Variants in FAM124B observed in about 807,000 individuals in gnomAD.
FAM124B encodes protein FAM124B.
Under a neutral mutation model 19.7 loss-of-function variants are expected in FAM124B, and 18 were observed. The observed-to-expected ratio is 0.92, with a 90% confidence interval of 0.63 to 1.36. FAM124B has a LOEUF of 1.36. Among genes scored for constraint, FAM124B ranks in the 40% most tolerant of loss-of-function variants. FAM124B has a pLI of 0.00. For missense variants in FAM124B, 540 were observed against 553.3 expected, an observed-to-expected ratio of 0.98 and a Z score of 0.24; for synonymous variants, 223 against 225.2, an observed-to-expected ratio of 0.99 and a Z score of 0.09.
chr2:224,398,719 A>G (rs1690015097), intron 1 of FAM124B, among the ~76,000 whole-genome samples: 1 of 152,116 alleles, frequency 6.6e-6, no homozygotes, highest in African/African-American at 2.4e-5. Flanking sequence ...GCTCATGCCT[A>G]TAATCCCAGC....
intron 1 of FAM124B, among the ~76,000 whole-genome samples, chr2:224,382,633 TC>T (rs890767078): frequency 1.9e-4 from 29 of 152,228 alleles, no homozygotes; most frequent in Admixed American, 1.4e-3. Context: ...GGTCTCAAAC[TC>T]CCAACCTAAG....
At position 224,379,298 on chromosome 2, in the gene FAM124B, A is replaced by C. The variant is rs898869996; in HGVS notation, c.*275T>G. On this transcript the variant is annotated 3_prime_UTR_variant, in exon 2 of 2. Coordinates refer to ENST00000409685, the MANE Select transcript of FAM124B (RefSeq NM_001122779.2). ...TATCCTGATAGGTGCTGGATTCAACACATCCAGCTGGGTTAGTGCATCTCC... is the reference window on the plus strand; with the variant it reads ...TATCCTGATAGGTGCTGGATTCAACCCATCCAGCTGGGTTAGTGCATCTCC... 1.0e-5 allele frequency: 4 copies of C among 384,634 alleles called. No homozygotes were observed. The highest frequency in any genetic ancestry group is 8.7e-5 in the Admixed American group (2 of 22,940). 23.8% of individuals were successfully genotyped at this position (384,634 alleles called of 1,614,324 possible).
At chr2:224,384,732 A>C (rs377609784) in intron 1 of FAM124B, among the ~76,000 whole-genome samples, 60 of 152,294 alleles carry the variant, frequency 3.9e-4, no homozygotes, top group African/African-American at 1.4e-3. Flanking sequence ...TGCTGTCACC[A>C]GTTAGCAACA....
At chr2:224,384,546 G>A (rs974885173) in intron 1 of FAM124B, among the ~76,000 whole-genome samples, 7 of 152,172 alleles carry the variant, frequency 4.6e-5, no homozygotes, top group African/African-American at 1.4e-4. Flanking sequence ...CCATGATGGC[G>A]TGGTTTCCGG....
rs1491044460 is a variant in FAM124B at position 224,390,702 on chromosome 2, TTG to T, written c.732+10333_732+10334del. Among the ~76,000 whole-genome samples the T allele has an allele frequency of 2.9e-3, 252 of 88,214 alleles. 2 individuals carry two copies. In the Middle Eastern group the frequency reaches 0.036, roughly 13 times the overall value. The allele number at this position is 88,214 out of a possible 152,430, so 57.9% of individuals were successfully genotyped here. ...AATACTTGTCAACAAACTTTTTTTT[TTG>T]TTTGTTTGTTTTTTAAGACAGAGTC... On this transcript the variant is annotated intron_variant, in intron 1 of 1. Coordinates refer to ENST00000409685, the MANE Select transcript of FAM124B (RefSeq NM_001122779.2).
intron 1 of FAM124B, among the ~76,000 whole-genome samples, chr2:224,389,865 T>C (rs1689852346): frequency 6.6e-6 from 1 of 152,022 alleles, no homozygotes; most frequent in Non-Finnish European, 1.5e-5. Context: ...TGGTCCTCAT[T>C]TGGGGTGATT....
intron 1 of FAM124B, among the ~76,000 whole-genome samples, chr2:224,392,413 C>A (rs1689902492): frequency 6.6e-6 from 1 of 152,054 alleles, no homozygotes; most frequent in African/African-American, 2.4e-5. Context: ...CACTAATGCT[C>A]CAACCTGGGT....
chr2:224,380,001 AC>A lies in FAM124B; in HGVS notation c.939del (p.Trp314GlyfsTer32). Reference sequence around the variant, plus strand: ...TGGAATGACCGGCCAGGGCTTTTCCACGAAGTGCCAGCACACCTGTCTGATG... The same window carrying A: ...TGGAATGACCGGCCAGGGCTTTTCCAGAAGTGCCAGCACACCTGTCTGATG... ...SPTSDRCAGT[S>X]WKSPGRSFQV... On this transcript the variant is annotated frameshift_variant, in exon 2 of 2. Transcript: ENST00000409685. LOFTEE classifies it low-confidence loss of function (END_TRUNC). 6.4e-7 allele frequency: 1 copy of A among 1,551,702 alleles called. No homozygotes were observed. The highest frequency in any genetic ancestry group is 8.7e-7 in the Non-Finnish European group (1 of 1,147,000).
chr2:224,379,669 C>G lies in FAM124B; in HGVS notation c.1272G>C (p.Arg424Ser), dbSNP rs1353509420. ...RVSPLPLAGQ[R>S]DLGTRKTISE... ...AAATTGTCTTCCTGGTACCAAGGTC[C>G]CTTTGGCCAGCAAGTGGCAAAGGAG... The change falls in exon 2 of 2, where the codon AGG (arginine) becomes AGC (serine). Residue 424 changes from arginine (R) to serine (S), a missense_variant. Arg to Ser is a moderately radical substitution (Grantham distance 110, BLOSUM62 -1). Transcript: ENST00000409685. The G allele has an allele frequency of 3.0e-5, 46 of 1,551,580 alleles. No individual in the cohort carries two copies. The highest frequency in any genetic ancestry group is 3.9e-5 in the Non-Finnish European group (45 of 1,146,988).
At position 224,401,264 on chromosome 2, in the gene FAM124B, T is replaced by A; in HGVS notation, c.505A>T (p.Ser169Cys). ...TAGAGCACGAAGAAACAAAAATTGCTCTTTTGCAAGGTCGCTTCTCTCTGC... is the reference window on the plus strand; with the variant it reads ...TAGAGCACGAAGAAACAAAAATTGCACTTTTGCAAGGTCGCTTCTCTCTGC... Reference protein sequence around the residue: ...ILQREATLQKSNFCFFVLYAS... With the variant: ...ILQREATLQKCNFCFFVLYAS... Residue 169 changes from serine to cysteine, a missense_variant, in exon 1 of 2, where the codon AGC becomes TGC. Physicochemically the swap from Ser to Cys is moderately radical, Grantham distance 112 (BLOSUM62 -1). Transcript: ENST00000409685. 6.2e-7 allele frequency: 1 copy of A among 1,613,864 alleles called. No individual in the cohort carries two copies. Among genetic ancestry groups the A allele is most frequent in the Non-Finnish European group, 8.5e-7 (1 of 1,180,002 alleles).
chr2:224,393,054 C>A (rs147261046), intron 1 of FAM124B, among the ~76,000 whole-genome samples: 7 of 152,302 alleles, frequency 4.6e-5, no homozygotes, highest in Non-Finnish European at 8.8e-5. Flanking sequence ...ACAGAAAGTC[C>A]TAGAGGACAG....
At position 224,402,103 on chromosome 2, in the gene FAM124B, A is replaced by C; in HGVS notation, c.-335T>G. 4 of 248,812 alleles carry C rather than the reference A, an allele frequency of 1.6e-5. No homozygotes were observed. Among genetic ancestry groups the C allele is most frequent in the East Asian group, 7.8e-5 (1 of 12,816 alleles). The allele number at this position is 248,812 out of a possible 1,614,324, so 15.4% of individuals were successfully genotyped here. A position where few individuals can be genotyped will look rare whatever the true frequency, so the allele number is the denominator to read the frequency against. On this transcript the variant is annotated 5_prime_UTR_variant, in exon 1 of 2. Transcript: ENST00000409685. ...TTTCTGCGTGACCTAAAAACCTATA[A>C]TCCTGAGAAACACCCAAATGGGCGG...
At chr2:224,381,644 G>A (rs780027035) in intron 1 of FAM124B, among the ~76,000 whole-genome samples, 3 of 152,142 alleles carry the variant, frequency 2.0e-5, no homozygotes, top group Non-Finnish European at 2.9e-5. Context: ...CCCACAGAAT[G>A]TACGACACCA....
intron 1 of FAM124B, among the ~76,000 whole-genome samples, chr2:224,398,248 C>A (rs1574577515): frequency 6.6e-6 from 1 of 152,132 alleles, no homozygotes; most frequent in East Asian, 1.9e-4. Flanking sequence ...CGGGTGCACA[C>A]CATCATGCCC....
chr2:224,400,566 C>G, intron 1 of FAM124B: 1 of 675,650 alleles, frequency 1.5e-6, no homozygotes. Flanking sequence ...ATGACTTCAA[C>G]TTCCTTAAGT....
rs1314598670 is a variant in FAM124B, at chr2:224,401,564, C to T, written c.205G>A (p.Val69Met). 1 of 1,614,154 alleles carries T rather than the reference C, an allele frequency of 6.2e-7. No homozygotes were observed. The highest frequency in any genetic ancestry group is 8.5e-7 in the Non-Finnish European group (1 of 1,180,024). ...SKRSRFPGMS[V>M]LLFLHESPGE... ...GGGCTTTCGTGCAGGAAGAGCAACACGGACATCCCTGGAAACCGGGACCGC... is the reference window on the plus strand; with the variant it reads ...GGGCTTTCGTGCAGGAAGAGCAACATGGACATCCCTGGAAACCGGGACCGC... Residue 69 changes from valine (V) to methionine (M), a missense_variant, in exon 1 of 2, where the codon GTG (valine) becomes ATG (methionine). Physicochemically the swap from Val to Met is conservative, Grantham distance 21. Coordinates refer to ENST00000409685, the MANE Select transcript of FAM124B (RefSeq NM_001122779.2).
At chr2:224,393,714 G>A (rs1013774053) in intron 1 of FAM124B, among the ~76,000 whole-genome samples, 2 of 152,240 alleles carry the variant, frequency 1.3e-5, no homozygotes, top group African/African-American at 4.8e-5. Context: ...CAAGGCCATA[G>A]CTTGCCTGGG....
Position 224,379,014 on chromosome 2 carries a change from T to A in FAM124B, c.*559A>T, listed in dbSNP as rs1689668378. On this transcript the variant is annotated 3_prime_UTR_variant, in exon 2 of 2. Coordinates refer to ENST00000409685, the MANE Select transcript of FAM124B (RefSeq NM_001122779.2). ...CATTAAACAGGAAAACAAAATTAACTGTTTATAATTTTCAAAACACTTTGC... is the reference window on the plus strand; with the variant it reads ...CATTAAACAGGAAAACAAAATTAACAGTTTATAATTTTCAAAACACTTTGC... 1.3e-5 allele frequency: 2 copies of A among 152,700 alleles called. No homozygotes were observed. The highest frequency in any genetic ancestry group is 4.1e-4 in the South Asian group (2 of 4,850). The allele number at this position is 152,700 out of a possible 1,614,324, so 9.5% of individuals were successfully genotyped here. A position where few individuals can be genotyped will look rare whatever the true frequency, so the allele number is the denominator to read the frequency against.
At chr2:224,392,741 C>G (rs1033547458) in intron 1 of FAM124B, among the ~76,000 whole-genome samples, 2 of 149,026 alleles carry the variant, frequency 1.3e-5, no homozygotes, top group Non-Finnish European at 3.0e-5. Context: ...GGCAACAGAC[C>G]AAGACTCTGT....
Sources: allele counts gnomAD v4.1 joint callset (sites outside exome capture counted in the v4.1 genomes callset), GRCh38; gene constraint gnomAD v4.1.1; transcripts MANE v1.5; gene names NCBI Gene and HGNC (gene_info 2026-07-23, HGNC 2026-07-21).